The following CEP89 variants were observed in gnomAD, a reference collection of about 807,000 sequenced individuals.
The protein encoded by CEP89 is centrosomal protein 89.
Under a neutral mutation model 97.6 loss-of-function variants are expected in CEP89, and 95 were observed. The ratio of observed to expected loss-of-function variants is 0.97; its 90% CI spans 0.82 to 1.15. CEP89 has a LOEUF of 1.15. Ranked by LOEUF, CEP89 falls within the 50% of genes most tolerant of loss-of-function variation. The pLI, the probability that CEP89 is intolerant of heterozygous loss-of-function variation, is 0.00. For missense variants in CEP89, 869 were observed against 947.7 expected (o/e 0.92, Z 1.09); for synonymous variants, 354 against 349.1 (o/e 1.01, Z -0.16).
At chr19:32,939,799 AAT>A (rs1425784652) in intron 6 of CEP89, 56 bp downstream of exon 6, 5 of 824,646 alleles carry the variant, frequency 6.1e-6, no homozygotes, top group Non-Finnish European at 7.7e-6. Flanking sequence ...ATTTATGAAA[AAT>A]TATGATAAAA....
At chr19:32,898,277 C>A (rs1969684673) in intron 16 of CEP89, among the ~76,000 whole-genome samples, 1 of 152,004 alleles carries the variant, frequency 6.6e-6, no homozygotes, top group Non-Finnish European at 1.5e-5. Context: ...ATAAGCCAGA[C>A]CTAGAAAGAT....
intron 16 of CEP89, among the ~76,000 whole-genome samples, chr19:32,896,363 TG>T (rs1189448758): frequency 2.6e-5 from 4 of 151,994 alleles, no homozygotes; most frequent in African/African-American, 9.7e-5. Context: ...GAACATACGC[TG>T]GGGAAAGGGC....
At chr19:32,925,482 G>GC (rs933134117) in intron 11 of CEP89, among the ~76,000 whole-genome samples, 3 of 136,518 alleles carry the variant, frequency 2.2e-5, no homozygotes, top group African/African-American at 5.7e-5. Flanking sequence ...TGCCCAAATA[G>GC]CCCTTTTTTT....
chr19:32,905,937 C>G (rs535072062), intron 14 of CEP89, among the ~76,000 whole-genome samples: 2 of 152,290 alleles, frequency 1.3e-5, no homozygotes, highest in East Asian at 3.9e-4. Flanking sequence ...CCAGGCTGGT[C>G]TTGAACCTCT....
At chr19:32,891,587 TATAAC>T (rs1969518364) in intron 16 of CEP89, among the ~76,000 whole-genome samples, 1 of 151,708 alleles carries the variant, frequency 6.6e-6, no homozygotes, top group Non-Finnish European at 1.5e-5. Flanking sequence ...CTCAGTAAAA[TATAAC>T]AGAACACAAA....
intron 2 of CEP89, chr19:32,963,538 G>A (rs1222280906): frequency 2.0e-5 from 3 of 152,170 alleles, no homozygotes; most frequent in Non-Finnish European, 4.4e-5. Context: ...GGGTTGTTCT[G>A]TCGTCAACAA....
intron 3 of CEP89, among the ~76,000 whole-genome samples, chr19:32,957,467 G>A (rs1971072573): frequency 6.6e-6 from 1 of 151,996 alleles, no homozygotes; most frequent in African/African-American, 2.4e-5. Flanking sequence ...AGAAGTTCAA[G>A]TCCAGCCTGG....
At chr19:32,947,901 A>T (rs569657079) in intron 5 of CEP89, among the ~76,000 whole-genome samples, 1 of 152,332 alleles carries the variant, frequency 6.6e-6, no homozygotes, top group South Asian at 2.1e-4. Context: ...TCCGAGCTCA[A>T]GTGATCCTCC....
chr19:32,912,129 G>A (rs1970013622), intron 14 of CEP89, among the ~76,000 whole-genome samples: 1 of 151,614 alleles, frequency 6.6e-6, no homozygotes, highest in Non-Finnish European at 1.5e-5. Flanking sequence ...CTTGAACCCA[G>A]GAGGTGGAGG....
At chr19:32,923,667 C>T in intron 11 of CEP89, 125 bp from the exon 12 acceptor site, 1 of 665,936 alleles carries the variant, frequency 1.5e-6, no homozygotes. Flanking sequence ...TCACAACAGG[C>T]CAGCCTTCAA....
chr19:32,935,767 C>T (rs976391000), intron 7 of CEP89, among the ~76,000 whole-genome samples: 2 of 152,120 alleles, frequency 1.3e-5, no homozygotes, highest in Admixed American at 6.5e-5. Context: ...CAGGCAGGAG[C>T]CCCGGCCCTC....
At chr19:32,916,851 T>G (rs1275130470) in intron 13 of CEP89, among the ~76,000 whole-genome samples, 1 of 151,516 alleles carries the variant, frequency 6.6e-6, no homozygotes, top group Non-Finnish European at 1.5e-5. Flanking sequence ...CTACTGAAAA[T>G]ACAAAAATTA....
Position 32,887,744 on chromosome 19 carries a change from C to A in CEP89, c.1965+8G>T. 1.3e-6 allele frequency: 2 copies of A among 1,580,662 alleles called. No homozygotes were observed. The highest frequency in any genetic ancestry group is 2.2e-5 in the South Asian group (2 of 90,236). Reference sequence around the variant, plus strand: ...AAATGAAATCTCTGAGGCCAAATAACCACTTACCTTGACTTTTTCCTCTAA... The same window carrying A: ...AAATGAAATCTCTGAGGCCAAATAAACACTTACCTTGACTTTTTCCTCTAA... On this transcript the variant is annotated splice_region_variant and intron_variant, in intron 17 of 18. Transcript: ENST00000305768.
intron 12 of CEP89, among the ~76,000 whole-genome samples, chr19:32,921,172 A>G (rs1238205656): frequency 6.6e-6 from 1 of 151,684 alleles, no homozygotes; most frequent in Non-Finnish European, 1.5e-5. Flanking sequence ...CAGTGAGTCG[A>G]GATCGCGCCA....
intron 4 of CEP89, among the ~76,000 whole-genome samples, chr19:32,951,892 A>G (rs1568576962): frequency 6.6e-6 from 1 of 152,096 alleles, no homozygotes. Context: ...ATATTGTAGT[A>G]AGCTTTCCCT....
chr19:32,968,642 T>C (rs1415953007), intron 1 of CEP89, among the ~76,000 whole-genome samples: 3 of 151,344 alleles, frequency 2.0e-5, no homozygotes, highest in African/African-American at 7.3e-5. Flanking sequence ...AAAGAGTGAA[T>C]CCCCCCTCAT....
At chr19:32,960,809 C>A (rs368935921) in intron 2 of CEP89, among the ~76,000 whole-genome samples, 1 of 147,180 alleles carries the variant, frequency 6.8e-6, no homozygotes. Flanking sequence ...GTCTCCATCT[C>A]AAAAAAAAAA....
intron 17 of CEP89, among the ~76,000 whole-genome samples, chr19:32,883,381 C>T (rs1010617919): frequency 4.6e-5 from 7 of 151,640 alleles, no homozygotes; most frequent in Admixed American, 2.0e-4. Context: ...TGGCCGGGTG[C>T]GGTGGCTCAC....
At chr19:32,945,147 G>A (rs1208041117) in intron 5 of CEP89, among the ~76,000 whole-genome samples, 2 of 152,078 alleles carry the variant, frequency 1.3e-5, no homozygotes, top group African/African-American at 2.4e-5. Flanking sequence ...AGCCAGGTGT[G>A]GTGGTGCATG....
Sources: allele counts gnomAD v4.1 joint callset (sites outside exome capture counted in the v4.1 genomes callset), GRCh38; gene constraint gnomAD v4.1.1; transcripts MANE v1.5; gene names NCBI Gene and HGNC (gene_info 2026-07-23, HGNC 2026-07-21).